INPP4B: variants seen among roughly 807,000 people sequenced by gnomAD.
INPP4B encodes inositol polyphosphate-4-phosphatase type II B.
Under a neutral mutation model 122.5 loss-of-function variants are expected in INPP4B, and 55 were observed. The ratio of observed to expected loss-of-function variants is 0.45; its 90% confidence interval spans 0.36 to 0.56. The LOEUF (loss-of-function observed/expected upper bound fraction) is 0.56, where lower values mean the gene tolerates loss of function less well. Ranked by LOEUF, INPP4B falls within the 20% of genes least tolerant of loss-of-function variation. The probability of loss-of-function intolerance (pLI) is 0.00; values close to 1 mark genes in which losing one functional copy is unlikely to be tolerated. For missense variants in INPP4B, 1,000 were observed against 1,097.7 expected (o/e 0.91, Z 1.26); for synonymous variants, 403 against 388.7 (o/e 1.04, Z -0.43).
intron 25 of INPP4B, among the ~76,000 whole-genome samples, chr4:142,065,195 G>T (rs1294859803): frequency 6.6e-6 from 1 of 151,716 alleles, no homozygotes; most frequent in Admixed American, 6.6e-5. Context: ...AACAGTAAGT[G>T]CAAGAGTAAT....
At chr4:142,500,016 C>T (rs1580220974) in intron 2 of INPP4B, among the ~76,000 whole-genome samples, 1 of 152,060 alleles carries the variant, frequency 6.6e-6, no homozygotes, top group Non-Finnish European at 1.5e-5. Flanking sequence ...AGAGAGGATT[C>T]TAAAAGTACA....
At chr4:142,032,682 CA>C (rs2152281252) in intron 25 of INPP4B, among the ~76,000 whole-genome samples, 1 of 152,262 alleles carries the variant, frequency 6.6e-6, no homozygotes, top group African/African-American at 2.4e-5. Context: ...TTGGTTCTGC[CA>C]CTTGCTAGTG....
intron 7 of INPP4B, among the ~76,000 whole-genome samples, chr4:142,320,817 C>T (rs111413540): frequency 0.012 from 1,772 of 152,282 alleles, 31 homozygotes; most frequent in African/African-American, 0.04. Flanking sequence ...GCTGTGAATG[C>T]CATTATTTGA....
At chr4:142,282,735 C>T (rs1751776182) in intron 9 of INPP4B, among the ~76,000 whole-genome samples, 1 of 152,222 alleles carries the variant, frequency 6.6e-6, no homozygotes, top group East Asian at 1.9e-4. Flanking sequence ...ATTTCCATCT[C>T]CAGTCTGCTA....
chr4:142,123,198 G>A (rs997407116), intron 20 of INPP4B, 94 bp downstream of exon 20: 2 of 1,059,606 alleles, frequency 1.9e-6, no homozygotes, highest in Non-Finnish European at 2.7e-6. Context: ...CACAATAAAG[G>A]TTTACTTATT....
intron 3 of INPP4B, among the ~76,000 whole-genome samples, chr4:142,453,357 A>T (rs1814719461): frequency 6.6e-6 from 1 of 152,150 alleles, no homozygotes; most frequent in African/African-American, 2.4e-5. Flanking sequence ...CAAATTATTA[A>T]TTCCTAGAGC....
chr4:142,119,806 C>T (rs539947643), intron 21 of INPP4B, among the ~76,000 whole-genome samples: 17,945 of 49,972 alleles, frequency 0.36, 1,273 homozygotes, highest in East Asian at 0.56. Flanking sequence ...TACACACACA[C>T]ACACACACAC....
At chr4:142,635,983 T>C (rs1247077719) in intron 2 of INPP4B, among the ~76,000 whole-genome samples, 1 of 152,310 alleles carries the variant, frequency 6.6e-6, no homozygotes, top group Non-Finnish European at 1.5e-5. Flanking sequence ...AAATTTCACC[T>C]TGAATTATAA....
At chr4:142,683,927 G>A (rs1400101232) in intron 2 of INPP4B, among the ~76,000 whole-genome samples, 1 of 151,896 alleles carries the variant, frequency 6.6e-6, no homozygotes, top group African/African-American at 2.4e-5. Context: ...TGAGTATATA[G>A]TTATCAGAGA....
chr4:142,337,254 C>T (rs1479314746), intron 7 of INPP4B, among the ~76,000 whole-genome samples: 1 of 151,950 alleles, frequency 6.6e-6, no homozygotes, highest in African/African-American at 2.4e-5. Context: ...TTATTAGCTG[C>T]AGTGAACTGC....
chr4:142,845,002 T>C (rs1007199362), intron 1 of INPP4B, among the ~76,000 whole-genome samples: 1 of 152,088 alleles, frequency 6.6e-6, no homozygotes, highest in Non-Finnish European at 1.5e-5. Flanking sequence ...TCTGGAGTCA[T>C]AAAATATAAT....
intron 1 of INPP4B, among the ~76,000 whole-genome samples, chr4:142,840,983 C>G (rs376889972): frequency 6.6e-6 from 1 of 151,928 alleles, no homozygotes; most frequent in Non-Finnish European, 1.5e-5. Flanking sequence ...AAGACATCCT[C>G]TTTTTAAAAA....
intron 22 of INPP4B, among the ~76,000 whole-genome samples, chr4:142,108,771 G>A (rs575329763): frequency 2.0e-5 from 3 of 152,186 alleles, no homozygotes; most frequent in South Asian, 4.2e-4. Flanking sequence ...CCACCAAGAG[G>A]TGTCAAGACA....
At chr4:142,292,550 A>G (rs1756897305) in intron 9 of INPP4B, among the ~76,000 whole-genome samples, 2 of 152,212 alleles carry the variant, frequency 1.3e-5, no homozygotes, top group African/African-American at 4.8e-5. Flanking sequence ...CACTTACACC[A>G]TTTCTAAGTT....
chr4:142,217,382 G>T (rs997979508), intron 12 of INPP4B, among the ~76,000 whole-genome samples: 1 of 152,126 alleles, frequency 6.6e-6, no homozygotes, highest in Non-Finnish European at 1.5e-5. Flanking sequence ...TCTGAGATGG[G>T]CTTGTTGACT....
chr4:142,359,021 G>A (rs1784540388), intron 7 of INPP4B, among the ~76,000 whole-genome samples: 1 of 151,912 alleles, frequency 6.6e-6, no homozygotes, highest in African/African-American at 2.4e-5. Context: ...TACTGGGTCT[G>A]GCTGCTATTG....
chr4:142,073,674 T>C (rs1004420459), intron 25 of INPP4B, among the ~76,000 whole-genome samples: 1 of 152,086 alleles, frequency 6.6e-6, no homozygotes, highest in Non-Finnish European at 1.5e-5. Flanking sequence ...TTCATGGATA[T>C]CATTGGCTAG....
At chr4:142,648,536 G>T (rs181738667) in intron 2 of INPP4B, among the ~76,000 whole-genome samples, 1 of 152,330 alleles carries the variant, frequency 6.6e-6, no homozygotes, top group African/African-American at 2.4e-5. Flanking sequence ...CTGGCTCAGT[G>T]GGTCCCACAC....
rs115745428 is a variant in INPP4B, at chr4:142,591,835, G to A, written c.-190-129109C>T. 3.6e-3 allele frequency among the ~76,000 whole-genome samples: 551 copies of A among 152,226 alleles called. 7 individuals are homozygous for A. The highest frequency in any genetic ancestry group is 0.018 in the East Asian group (95 of 5,178). On this transcript the variant is annotated intron_variant, in intron 2 of 25. Transcript: ENST00000262992. ...TTCCAGTAGAGAGACATTCTACAAA[G>A]AGCCTGACTAAAACTGTCAAGGTCA... is the stretch of plus-strand genomic sequence containing the variant.
Sources: gnomAD v4.1 joint callset for allele counts (sites outside exome capture counted in the v4.1 genomes callset) on GRCh38, gnomAD v4.1.1 for gene constraint, MANE v1.5 for transcripts, NCBI Gene and HGNC (gene_info 2026-07-23, HGNC 2026-07-21) for gene names.